CSMD1: variants seen among roughly 807,000 people sequenced by gnomAD.
CSMD1 encodes CUB and sushi domain-containing protein 1.
Under a neutral mutation model 417.5 loss-of-function variants are expected in CSMD1, and 213 were observed. The observed-to-expected ratio is 0.51, with a 90% CI of 0.46 to 0.57. The LOEUF (loss-of-function observed/expected upper bound fraction) is 0.57, where lower values mean the gene tolerates loss of function less well. Among genes scored for constraint, CSMD1 ranks in the 20% least tolerant of loss-of-function variants. The probability of loss-of-function intolerance (pLI) is 0.00; values close to 1 mark genes in which losing one functional copy is unlikely to be tolerated. For synonymous variants in CSMD1, 2,862 were observed against 1,736.8 expected, an observed-to-expected ratio of 1.65 and a Z score of -16.11; for missense variants, 6,923 against 4,529.7, an observed-to-expected ratio of 1.53 and a Z score of -15.17.
At chr8:3,753,831 T>G in intron 6 of CSMD1, 99 bp downstream of exon 6, 1 of 733,394 alleles carries the variant, frequency 1.4e-6, no homozygotes, top group Middle Eastern at 2.5e-4. Flanking sequence ...GAAACCATTT[T>G]CAAGCTATTT....
At chr8:3,573,178 T>A (rs1800012717) in intron 10 of CSMD1, among the ~76,000 whole-genome samples, 1 of 152,206 alleles carries the variant, frequency 6.6e-6, no homozygotes, top group African/African-American at 2.4e-5. Context: ...TACATTTACT[T>A]ACGCAACATG....
chr8:2,968,102 A>C (rs1804129663), intron 57 of CSMD1, among the ~76,000 whole-genome samples: 1 of 152,210 alleles, frequency 6.6e-6, no homozygotes, highest in African/African-American at 2.4e-5. Flanking sequence ...ATACTATTTA[A>C]GGCTCTCTAA....
intron 1 of CSMD1, among the ~76,000 whole-genome samples, chr8:4,757,451 T>G (rs1352019915): frequency 1.3e-5 from 2 of 152,122 alleles, no homozygotes; most frequent in Non-Finnish European, 2.9e-5. Flanking sequence ...GCAGGAAGGT[T>G]AACTGACTTA....
chr8:4,112,347 G>C (rs957667325), intron 3 of CSMD1, among the ~76,000 whole-genome samples: 1 of 152,198 alleles, frequency 6.6e-6, no homozygotes, highest in Non-Finnish European at 1.5e-5. Context: ...CCTGTGATGA[G>C]GCTAGGGCTC....
intron 7 of CSMD1, among the ~76,000 whole-genome samples, chr8:3,707,130 A>G (rs1319018385): frequency 6.6e-6 from 1 of 152,190 alleles, no homozygotes; most frequent in African/African-American, 2.4e-5. Flanking sequence ...CTGAGCACAG[A>G]CTATGGATTA....
chr8:4,726,694 T>C (rs1303101194), intron 1 of CSMD1, among the ~76,000 whole-genome samples: 1 of 152,230 alleles, frequency 6.6e-6, no homozygotes, highest in Non-Finnish European at 1.5e-5. Context: ...ATTTCATCAG[T>C]TCTAATTTTA....
chr8:4,016,160 C>T (rs11775968), intron 4 of CSMD1, among the ~76,000 whole-genome samples: 11,667 of 152,180 alleles, frequency 0.077, 527 homozygotes, highest in Middle Eastern at 0.12. Context: ...TGCATAAAAG[C>T]ATTGAACGTT....
At chr8:3,236,345 C>T (rs750957571) in intron 26 of CSMD1, among the ~76,000 whole-genome samples, 2 of 151,720 alleles carry the variant, frequency 1.3e-5, no homozygotes, top group African/African-American at 2.4e-5. Flanking sequence ...TTAAACAAAC[C>T]CCCAAACACT....
At chr8:3,840,832 C>T (rs7000778) in intron 5 of CSMD1, among the ~76,000 whole-genome samples, 17,125 of 151,350 alleles carry the variant, frequency 0.11, 1,327 homozygotes, top group African/African-American at 0.22. Flanking sequence ...AGTAGCTGGG[C>T]GCCTGCCACT....
Position 2,961,202 on chromosome 8 carries a change from T to C in CSMD1, c.9641A>G (p.Asn3214Ser), listed in dbSNP as rs769995996. 1.9e-6 allele frequency: 3 copies of C among 1,594,414 alleles called. No homozygotes were observed. Among genetic ancestry groups the C allele is most frequent in the South Asian group, 2.3e-5 (2 of 88,580 alleles). ...TGGCGTACCAGGGTCTGGGCAGGTG[T>C]TATGAGCAGGATCTGAAATTTGTGA... ...IQPTCIDPAH[N>S]TCPDPGTPHF... Residue 3214 changes from asparagine (N) to serine (S), a missense_variant, in exon 62 of 70, where the codon AAC becomes AGC. Asn to Ser is a conservative substitution (Grantham distance 46). Transcript: ENST00000635120.
At chr8:4,663,738 A>G (rs1804751789) in intron 1 of CSMD1, among the ~76,000 whole-genome samples, 1 of 152,224 alleles carries the variant, frequency 6.6e-6, no homozygotes, top group South Asian at 2.1e-4. Flanking sequence ...TAAATTGCCC[A>G]GTCACAGGTA....
intron 10 of CSMD1, among the ~76,000 whole-genome samples, chr8:3,523,786 G>A (rs983040137): frequency 1.4e-5 from 2 of 138,718 alleles, no homozygotes; most frequent in Non-Finnish European, 3.0e-5. Context: ...CACACCCAGA[G>A]ACATATGCAC....
chr8:3,920,139 T>A (rs143111978), intron 5 of CSMD1, among the ~76,000 whole-genome samples: 1 of 152,116 alleles, frequency 6.6e-6, no homozygotes, highest in East Asian at 1.9e-4. Context: ...ACTCAGGTGA[T>A]CTTCCTGCCT....
At chr8:3,361,085 A>C (rs1809132616) in intron 20 of CSMD1, among the ~76,000 whole-genome samples, 1 of 152,190 alleles carries the variant, frequency 6.6e-6, no homozygotes, top group Admixed American at 6.5e-5. Flanking sequence ...TAACCTTGAG[A>C]TATACTTATT....
intron 40 of CSMD1, among the ~76,000 whole-genome samples, chr8:3,144,711 T>A (rs980759822): frequency 6.6e-6 from 1 of 151,250 alleles, no homozygotes; most frequent in Non-Finnish European, 1.5e-5. Context: ...CTATTGTTTC[T>A]AAATTCCAGA....
intron 7 of CSMD1, among the ~76,000 whole-genome samples, chr8:3,706,099 C>G (rs13267014): frequency 0.92 from 140,288 of 152,242 alleles, 64,709 homozygotes; most frequent in East Asian, 0.99. Context: ...CTGTGCCTAC[C>G]TCCCCTACCG....
intron 5 of CSMD1, among the ~76,000 whole-genome samples, chr8:3,755,950 A>C (rs1390291055): frequency 6.6e-6 from 1 of 152,098 alleles, no homozygotes; most frequent in Non-Finnish European, 1.5e-5. Flanking sequence ...TATGTTACAA[A>C]TTCTATAGGC....
intron 1 of CSMD1, among the ~76,000 whole-genome samples, chr8:4,855,044 T>C (rs944599573): frequency 6.6e-6 from 1 of 152,038 alleles, no homozygotes; most frequent in African/African-American, 2.4e-5. Context: ...GCAGTGGTTC[T>C]CCCAGCAAGC....
intron 3 of CSMD1, among the ~76,000 whole-genome samples, chr8:4,147,836 G>C (rs937440726): frequency 5.9e-5 from 9 of 152,098 alleles, no homozygotes; most frequent in African/African-American, 7.2e-5. Flanking sequence ...TCATCAGAAA[G>C]ACTTCTCTGG....
Sources: gnomAD v4.1 joint callset for allele counts (sites outside exome capture counted in the v4.1 genomes callset) on GRCh38, gnomAD v4.1.1 for gene constraint, MANE v1.5 for transcripts, NCBI Gene and HGNC (gene_info 2026-07-23, HGNC 2026-07-21) for gene names.